Variants in PCDH9 observed in about 807,000 individuals in gnomAD.
The protein encoded by PCDH9 is protocadherin-9.
Under a neutral mutation model 70.6 loss-of-function variants are expected in PCDH9, and 24 were observed. The observed-to-expected ratio is 0.34, with a 90% CI of 0.25 to 0.48. The LOEUF is 0.48. Among genes scored for constraint, PCDH9 ranks in the 20% least tolerant of loss-of-function variants. PCDH9 has a pLI of 0.99. For synonymous variants in PCDH9, 562 were observed against 558.5 expected (o/e 1.01, Z -0.09); for missense variants, 1,281 against 1,503.6 (o/e 0.85, Z 2.45).
At chr13:66,553,502 T>A (rs536896827) in intron 4 of PCDH9, among the ~76,000 whole-genome samples, 2 of 152,170 alleles carry the variant, frequency 1.3e-5, no homozygotes, top group Non-Finnish European at 2.9e-5. Flanking sequence ...CTACTTTCAT[T>A]ATGGCACAAA....
intron 2 of PCDH9, among the ~76,000 whole-genome samples, chr13:67,104,829 G>A (rs558564972): frequency 6.6e-5 from 10 of 152,316 alleles, no homozygotes; most frequent in South Asian, 2.1e-4. Flanking sequence ...GATTACAGGC[G>A]CGAGCCACCG....
intron 2 of PCDH9, among the ~76,000 whole-genome samples, chr13:66,957,472 T>C (rs975372420): frequency 6.6e-6 from 1 of 152,122 alleles, no homozygotes; most frequent in African/African-American, 2.4e-5. Context: ...GAAAAACAGG[T>C]TCTCTCCTAA....
At chr13:67,064,829 T>G (rs1188868805) in intron 2 of PCDH9, among the ~76,000 whole-genome samples, 3 of 152,080 alleles carry the variant, frequency 2.0e-5, no homozygotes, top group Non-Finnish European at 4.4e-5. Flanking sequence ...CTTAGGGCAT[T>G]CAAAGGGGTA....
chr13:66,718,977 T>C (rs971116543), intron 3 of PCDH9, among the ~76,000 whole-genome samples: 5 of 152,236 alleles, frequency 3.3e-5, no homozygotes, highest in African/African-American at 1.2e-4. Context: ...GGTTGAGTGA[T>C]CAAGAACATT....
At position 66,811,469 on chromosome 13, in the gene PCDH9, C is replaced by T. The variant is rs574101488; in HGVS notation, c.3138+92035G>A. On this transcript the variant is annotated intron_variant, in intron 3 of 4. Coordinates refer to ENST00000377865, the MANE Select transcript of PCDH9 (RefSeq NM_203487.3). ...CTCCCATTCAGCTTCCATAATAATG[C>T]TATTTTTCCTATGCTTAAAATGTTA... 7.9e-5 allele frequency among the ~76,000 whole-genome samples: 12 copies of T among 152,266 alleles called. No homozygotes were observed. In the South Asian group the frequency reaches 1.2e-3, roughly 16 times the overall value.
At chr13:66,722,505 A>T (rs530441400) in intron 3 of PCDH9, among the ~76,000 whole-genome samples, 1 of 152,228 alleles carries the variant, frequency 6.6e-6, no homozygotes, top group South Asian at 2.1e-4. Context: ...CACTACAATG[A>T]TTATTAATTG....
intron 2 of PCDH9, among the ~76,000 whole-genome samples, chr13:66,923,909 C>T (rs1004543651): frequency 6.6e-6 from 1 of 151,662 alleles, no homozygotes. Flanking sequence ...AAATACAGTA[C>T]TTATCATACT....
At chr13:66,833,223 C>T (rs891214900) in intron 3 of PCDH9, among the ~76,000 whole-genome samples, 3 of 152,192 alleles carry the variant, frequency 2.0e-5, no homozygotes, top group African/African-American at 7.2e-5. Context: ...AGTAACATTA[C>T]ATAATATGCC....
intron 3 of PCDH9, among the ~76,000 whole-genome samples, chr13:66,730,897 T>TTTTTTTTTTTTTTTTTTG (rs1555262885): frequency 7.7e-6 from 1 of 129,100 alleles, no homozygotes. Context: ...GTTTGTTTCT[T>TTTTTTTTTTTTTTTTTTG]TTTTTTTGTG....
Position 66,705,419 on chromosome 13 carries a change from G to T in PCDH9, c.3139-74008C>A, listed in dbSNP as rs930968877. Among the ~76,000 whole-genome samples, 4 of 152,118 alleles carry T rather than the reference G, an allele frequency of 2.6e-5. No individual in the cohort carries two copies. In the East Asian group the frequency reaches 5.8e-4, roughly 22 times the overall value. ...TATATGTTGATTCAACATGTTTGTC[G>T]CTTATGTTGACTTCCTCCTAATTAC... On this transcript the variant is annotated intron_variant, in intron 3 of 4. Transcript: ENST00000377865.
intron 2 of PCDH9, among the ~76,000 whole-genome samples, chr13:66,989,750 A>T (rs2083964277): frequency 6.6e-6 from 1 of 151,878 alleles, no homozygotes; most frequent in African/African-American, 2.4e-5. Context: ...TTGAATATGC[A>T]CTTGGTATAG....
intron 3 of PCDH9, among the ~76,000 whole-genome samples, chr13:66,776,333 C>G (rs1233752862): frequency 6.6e-6 from 1 of 150,514 alleles, no homozygotes; most frequent in African/African-American, 2.4e-5. Flanking sequence ...AAGAGGAAGT[C>G]AAATTGTCCC....
chr13:66,842,999 G>A (rs2081141949), intron 3 of PCDH9, among the ~76,000 whole-genome samples: 1 of 152,216 alleles, frequency 6.6e-6, no homozygotes, highest in Non-Finnish European at 1.5e-5. Flanking sequence ...GAGATTGTGT[G>A]TGTAGCCAAG....
rs147554525 is a variant in PCDH9, at chr13:66,860,090, A to T, written c.3138+43414T>A. 3.9e-5 allele frequency among the ~76,000 whole-genome samples: 6 copies of T among 152,332 alleles called. No individual in the cohort carries two copies. In the East Asian group the frequency reaches 1.2e-3, roughly 29 times the overall value. On this transcript the variant is annotated intron_variant, in intron 3 of 4. Coordinates refer to ENST00000377865, the MANE Select transcript of PCDH9 (RefSeq NM_203487.3). ...AATGTTATGTAAATGAAATGAGGGTAATAGAGTCAAGGACGCCAGAGCAAA... is the reference window on the plus strand; with the variant it reads ...AATGTTATGTAAATGAAATGAGGGTTATAGAGTCAAGGACGCCAGAGCAAA...
At chr13:66,587,729 A>T (rs2076982188) in intron 4 of PCDH9, among the ~76,000 whole-genome samples, 2 of 152,016 alleles carry the variant, frequency 1.3e-5, no homozygotes, top group African/African-American at 4.8e-5. Context: ...TCACTTCCTA[A>T]ATGATCTTTT....
At chr13:66,375,521 G>T (rs189759972) in intron 4 of PCDH9, among the ~76,000 whole-genome samples, 1 of 152,120 alleles carries the variant, frequency 6.6e-6, no homozygotes, top group East Asian at 1.9e-4. Flanking sequence ...GAAATAGCAG[G>T]ACAAGTGACA....
At chr13:66,587,792 T>C (rs61956029) in intron 4 of PCDH9, among the ~76,000 whole-genome samples, 4 of 8,280 alleles carry the variant, frequency 4.8e-4, no homozygotes, top group Non-Finnish European at 3.8e-3. Context: ...TGCAGGATTA[T>C]TAAAAAAAAA....
At chr13:66,424,598 C>T (rs1229299239) in intron 4 of PCDH9, among the ~76,000 whole-genome samples, 1 of 151,900 alleles carries the variant, frequency 6.6e-6, no homozygotes, top group Non-Finnish European at 1.5e-5. Flanking sequence ...GACAACACTG[C>T]ATATTTCCTG....
intron 3 of PCDH9, among the ~76,000 whole-genome samples, chr13:66,684,207 G>C (rs527301629): frequency 6.6e-6 from 1 of 152,122 alleles, no homozygotes; most frequent in Admixed American, 6.6e-5. Context: ...GACTACTAAA[G>C]GCTAGCCAAT....
Sources: allele counts gnomAD v4.1 joint callset (sites outside exome capture counted in the v4.1 genomes callset), GRCh38; gene constraint gnomAD v4.1.1; transcripts MANE v1.5; gene names NCBI Gene and HGNC (gene_info 2026-07-23, HGNC 2026-07-21).